Variants in MED13L observed in about 807,000 individuals in gnomAD.
MED13L encodes mediator of RNA polymerase II transcription subunit 13-like.
A neutral mutation model predicts 220.9 loss-of-function variants in MED13L; 7 were observed. That is an observed-to-expected ratio of 0.03 (90% CI 0.02 to 0.06). The LOEUF is 0.06. Ranked by LOEUF, MED13L falls within the 10% of genes least tolerant of loss-of-function variation. The pLI, the probability that MED13L is intolerant of heterozygous loss-of-function variation, is 1.00. For missense variants in MED13L, 1,965 were observed against 2,760.5 expected (o/e 0.71, Z 6.46); for synonymous variants, 1,011 against 1,015.2 (o/e 1.00, Z 0.08).
At chr12:115,998,135 A>T (rs1201991659) in intron 14 of MED13L, among the ~76,000 whole-genome samples, 2 of 152,214 alleles carry the variant, frequency 1.3e-5, no homozygotes, top group Non-Finnish European at 2.9e-5. Flanking sequence ...TTTAAAAAAA[A>T]AGTTTCCTTT....
chr12:115,975,102 C>T, intron 25 of MED13L, 69 bp downstream of exon 25: 1 of 1,462,070 alleles, frequency 6.8e-7, no homozygotes. Context: ...TCTCCCTTAG[C>T]TCAGTTAATG....
chr12:116,259,800 T>A (rs1224429863), intron 1 of MED13L, among the ~76,000 whole-genome samples: 1 of 152,236 alleles, frequency 6.6e-6, no homozygotes, highest in Non-Finnish European at 1.5e-5. Flanking sequence ...GAGGGATCCT[T>A]CATGTTTTGT....
chr12:116,092,025 A>C (rs1365118288), intron 4 of MED13L, among the ~76,000 whole-genome samples: 1 of 152,210 alleles, frequency 6.6e-6, no homozygotes, highest in Non-Finnish European at 1.5e-5. Flanking sequence ...ACTCTCAGAA[A>C]ATGAGTAAAT....
chr12:116,250,311 G>A (rs1318623805), intron 1 of MED13L, among the ~76,000 whole-genome samples: 3 of 150,488 alleles, frequency 2.0e-5, no homozygotes, highest in African/African-American at 7.3e-5. Context: ...ATTTTTAGAT[G>A]AACAGAAGCC....
chr12:116,226,612 T>C (rs1295541143), intron 2 of MED13L, among the ~76,000 whole-genome samples: 1 of 152,224 alleles, frequency 6.6e-6, no homozygotes, highest in Non-Finnish European at 1.5e-5. Context: ...CTCACGCCTA[T>C]AATCCCAGCG....
chr12:116,082,978 T>A (rs777916654), intron 4 of MED13L, among the ~76,000 whole-genome samples: 27 of 152,242 alleles, frequency 1.8e-4, no homozygotes, highest in Non-Finnish European at 3.4e-4. Context: ...ATTAGGATCA[T>A]TTAATTTTGA....
chr12:116,010,330 A>T (rs10850592), intron 9 of MED13L, among the ~76,000 whole-genome samples: 141,119 of 152,308 alleles, frequency 0.93, 65,408 homozygotes, highest in Admixed American at 0.95. Context: ...TATCTCAATA[A>T]CTTATGAAGG....
At chr12:115,997,414 C>G (rs759923190) in intron 14 of MED13L, among the ~76,000 whole-genome samples, 184 bp from the exon 15 acceptor site, 2 of 152,080 alleles carry the variant, frequency 1.3e-5, no homozygotes, top group African/African-American at 2.4e-5. Flanking sequence ...TTATCTTTTT[C>G]TGGGTCTTGT....
At position 116,132,147 on chromosome 12, in the gene MED13L, G is replaced by A. The variant is rs557197348; in HGVS notation, c.311-20635C>T. Among the ~76,000 whole-genome samples the A allele has an allele frequency of 2.4e-4, 36 of 151,750 alleles. No individual in the cohort carries two copies. In the South Asian group the frequency reaches 6.7e-3, roughly 28 times the overall value. ...ACAAAAAAAATTAGCAGGTCATGAC[G>A]GCAGGTGCCTGTAATCCCAGCTACT... is the stretch of plus-strand genomic sequence containing the variant. On this transcript the variant is annotated intron_variant, in intron 2 of 30. Transcript: ENST00000281928.
Position 115,982,453 on chromosome 12 carries a change from G to A in MED13L, c.5106C>T (p.Ser1702=). The stretch of plus-strand genomic sequence containing the variant: ...GCATTTCTGTGTAGCAGCGCATCAA[G>A]CTCAACAGCCAAAAGTTCCCAGAAG... ...DSTSGNFWLL[S]LMRCYTEMLD... The change falls in exon 22 of 31, where the codon AGC becomes AGT. Residue 1702 remains serine, a synonymous_variant. Transcript: ENST00000281928. 1 of 1,614,166 alleles carries A rather than the reference G, an allele frequency of 6.2e-7. No homozygotes were observed. Among genetic ancestry groups the A allele is most frequent in the Non-Finnish European group, 8.5e-7 (1 of 1,180,016 alleles).
At chr12:116,133,799 G>C (rs1876282373) in intron 2 of MED13L, among the ~76,000 whole-genome samples, 1 of 152,170 alleles carries the variant, frequency 6.6e-6, no homozygotes, top group African/African-American at 2.4e-5. Context: ...TCTGCACTCA[G>C]GAAGATCACT....
chr12:116,277,025 C>T, intron 1 of MED13L, 35 bp downstream of exon 1: 4 of 1,434,354 alleles, frequency 2.8e-6, no homozygotes, highest in Non-Finnish European at 3.8e-6. Flanking sequence ...CCCCCTTCCC[C>T]GGCACAGCCC....
chr12:116,232,600 G>A (rs980876863), intron 2 of MED13L, among the ~76,000 whole-genome samples: 4 of 152,096 alleles, frequency 2.6e-5, no homozygotes, highest in East Asian at 1.9e-4. Context: ...TAACTGATTC[G>A]ACAAACATTC....
At chr12:116,224,356 T>C (rs1868749326) in intron 2 of MED13L, among the ~76,000 whole-genome samples, 3 of 152,188 alleles carry the variant, frequency 2.0e-5, no homozygotes, top group Admixed American at 6.5e-5. Context: ...TGTATCCAAA[T>C]TCTATCTACC....
Position 116,189,302 on chromosome 12 carries a change from T to C in MED13L, c.310+48166A>G, listed in dbSNP as rs140817989. ...TCTTTTTATATGCTTACTTGCCATG[T>C]GTACATATCTCTTCGTATCTTTTGC... On this transcript the variant is annotated intron_variant, in intron 2 of 30. Transcript: ENST00000281928. Among the ~76,000 whole-genome samples the C allele has an allele frequency of 2.9e-3, 439 of 152,280 alleles. 2 individuals are homozygous for C. Among genetic ancestry groups the C allele is most frequent in the Non-Finnish European group, 5.1e-3 (346 of 68,002 alleles).
chr12:116,138,600 A>C (rs1366299462), intron 2 of MED13L, among the ~76,000 whole-genome samples: 1 of 152,196 alleles, frequency 6.6e-6, no homozygotes, highest in African/African-American at 2.4e-5. Context: ...CTTCCCACAG[A>C]CTTGTTTGTG....
chr12:116,000,504 T>C (rs929911637), intron 14 of MED13L, among the ~76,000 whole-genome samples: 1 of 152,188 alleles, frequency 6.6e-6, no homozygotes, highest in East Asian at 1.9e-4. Context: ...CAAAGCAGCA[T>C]TGTTGATTTC....
intron 4 of MED13L, among the ~76,000 whole-genome samples, chr12:116,023,939 C>A (rs1325292432): frequency 1.3e-5 from 2 of 152,146 alleles, no homozygotes; most frequent in African/African-American, 2.4e-5. Flanking sequence ...TAGAAACACA[C>A]CATCTTCTAC....
chr12:116,128,808 G>A (rs944900725), intron 2 of MED13L, among the ~76,000 whole-genome samples: 5 of 152,170 alleles, frequency 3.3e-5, no homozygotes, highest in African/African-American at 7.2e-5. Context: ...GTAAGTGCAT[G>A]TAAACAAGAA....
Sources: gnomAD v4.1 joint callset for allele counts (sites outside exome capture counted in the v4.1 genomes callset) on GRCh38, gnomAD v4.1.1 for gene constraint, MANE v1.5 for transcripts, NCBI Gene and HGNC (gene_info 2026-07-23, HGNC 2026-07-21) for gene names.